The following SLC4A10 variants were observed in gnomAD, a reference collection of about 807,000 sequenced individuals.
SLC4A10 encodes sodium-driven chloride bicarbonate exchanger.
Under a neutral mutation model 137.7 loss-of-function variants are expected in SLC4A10, and 42 were observed. The observed-to-expected ratio is 0.30, with a 90% confidence interval of 0.24 to 0.39. The LOEUF (loss-of-function observed/expected upper bound fraction) is 0.39, where lower values mean the gene tolerates loss of function less well. SLC4A10 is among the 10% of genes least tolerant of loss of function. The pLI, the probability that SLC4A10 is intolerant of heterozygous loss-of-function variation, is 1.00. For missense variants in SLC4A10, 925 were observed against 1,355.0 expected (o/e 0.68, Z 4.98); for synonymous variants, 474 against 464.1 (o/e 1.02, Z -0.27).
intron 1 of SLC4A10, among the ~76,000 whole-genome samples, chr2:161,699,571 G>A (rs935780729): frequency 9.9e-5 from 15 of 152,182 alleles, no homozygotes; most frequent in Non-Finnish European, 1.9e-4. Context: ...GAATATGAAA[G>A]TGAATCATAC....
intron 11 of SLC4A10, among the ~76,000 whole-genome samples, chr2:161,896,029 G>T (rs2063458375): frequency 6.6e-6 from 1 of 151,842 alleles, no homozygotes. Context: ...TTTTCTTCTA[G>T]GGTTTTTATG....
intron 1 of SLC4A10, among the ~76,000 whole-genome samples, chr2:161,644,515 A>T (rs1424404287): frequency 1.3e-5 from 2 of 152,152 alleles, no homozygotes; most frequent in Non-Finnish European, 2.9e-5. Context: ...TAATGAATTA[A>T]AATTGCTTCA....
intron 2 of SLC4A10, among the ~76,000 whole-genome samples, chr2:161,802,544 A>G (rs2055484553): frequency 6.6e-6 from 1 of 152,120 alleles, no homozygotes; most frequent in African/African-American, 2.4e-5. Flanking sequence ...AATTTCAATT[A>G]CATGTCTTCT....
chr2:161,896,982 A>G (rs2063572582), intron 11 of SLC4A10, among the ~76,000 whole-genome samples: 6 of 152,126 alleles, frequency 3.9e-5, no homozygotes, highest in Admixed American at 3.9e-4. Context: ...TGAAATTGGC[A>G]AGCATTAGGA....
intron 3 of SLC4A10, among the ~76,000 whole-genome samples, chr2:161,825,471 C>T (rs1330103113): frequency 6.6e-6 from 1 of 152,198 alleles, no homozygotes; most frequent in Admixed American, 6.5e-5. Context: ...TTCTGCGTTA[C>T]TATTTATTCC....
intron 15 of SLC4A10, among the ~76,000 whole-genome samples, chr2:161,909,303 C>G (rs894050699): frequency 2.0e-5 from 3 of 152,052 alleles, no homozygotes; most frequent in Admixed American, 2.0e-4. Context: ...ATTTCCATCT[C>G]TGTTTTTTAA....
chr2:161,964,045 C>G, intron 21 of SLC4A10, 90 bp from the exon 22 acceptor site: 1 of 1,173,416 alleles, frequency 8.5e-7, no homozygotes, highest in South Asian at 1.7e-5. Context: ...GTCATTTAAC[C>G]CAAAATTGTG....
At position 161,942,915 on chromosome 2, in the gene SLC4A10, A is replaced by G. The variant is rs746349159; in HGVS notation, c.2103+18A>G. On this transcript the variant is annotated intron_variant, in intron 16 of 26. Transcript: ENST00000446997. Reference sequence around the variant, plus strand: ...CTGTGTCAGTAAGTAAAACACTGAAAAATAAGTCATACCTAAGAGCTTTTG... The same window carrying G: ...CTGTGTCAGTAAGTAAAACACTGAAGAATAAGTCATACCTAAGAGCTTTTG... The G allele has an allele frequency of 4.5e-6, 7 of 1,553,722 alleles. No individual in the cohort carries two copies. Among genetic ancestry groups the G allele is most frequent in the Non-Finnish European group, 6.1e-6 (7 of 1,143,020 alleles).
chr2:161,911,267 C>T (rs1685781352), intron 15 of SLC4A10, among the ~76,000 whole-genome samples: 1 of 151,736 alleles, frequency 6.6e-6, no homozygotes, highest in African/African-American at 2.4e-5. Context: ...AAATTTGACA[C>T]ATTATGAAAT....
chr2:161,748,873 A>G (rs1412812775), intron 1 of SLC4A10, among the ~76,000 whole-genome samples: 1 of 152,064 alleles, frequency 6.6e-6, no homozygotes, highest in Non-Finnish European at 1.5e-5. Context: ...TTTGGGTAGT[A>G]TAGGCATTTT....
intron 1 of SLC4A10, among the ~76,000 whole-genome samples, chr2:161,716,079 A>T (rs1169722138): frequency 6.6e-6 from 1 of 152,030 alleles, no homozygotes; most frequent in Non-Finnish European, 1.5e-5. Context: ...TTTCTCTAAT[A>T]ATCAGCAATA....
At chr2:161,898,558 T>C (rs1257972793) in intron 11 of SLC4A10, among the ~76,000 whole-genome samples, 1 of 152,144 alleles carries the variant, frequency 6.6e-6, no homozygotes, top group Non-Finnish European at 1.5e-5. Flanking sequence ...TTTTTATTCA[T>C]TTGAAATGTG....
chr2:161,956,453 T>C (rs1235129209), intron 19 of SLC4A10, among the ~76,000 whole-genome samples: 1 of 152,172 alleles, frequency 6.6e-6, no homozygotes, highest in Non-Finnish European at 1.5e-5. Flanking sequence ...GGCTCTACAC[T>C]TCGATTCCTG....
intron 3 of SLC4A10, among the ~76,000 whole-genome samples, chr2:161,828,486 T>C (rs1042873429): frequency 6.7e-6 from 1 of 150,050 alleles, no homozygotes; most frequent in Admixed American, 6.7e-5. Context: ...TAAAATGTTA[T>C]ATATCTCTAT....
At chr2:161,855,632 A>C (rs62187756) in intron 5 of SLC4A10, among the ~76,000 whole-genome samples, 9,230 of 152,094 alleles carry the variant, frequency 0.061, 370 homozygotes, top group East Asian at 0.13. Flanking sequence ...AATACTATAA[A>C]CTGATGAATG....
intron 1 of SLC4A10, among the ~76,000 whole-genome samples, chr2:161,698,651 T>C (rs912908824): frequency 3.3e-5 from 5 of 152,250 alleles, no homozygotes; most frequent in Non-Finnish European, 5.9e-5. Context: ...CTCCCAGGGA[T>C]GAAGCCCACT....
At chr2:161,884,560 A>G (rs2062072334) in intron 10 of SLC4A10, among the ~76,000 whole-genome samples, 3 of 152,200 alleles carry the variant, frequency 2.0e-5, no homozygotes, top group Admixed American at 2.0e-4. Context: ...TAATTTGAGA[A>G]TAAGCATCAA....
chr2:161,811,225 A>AT (rs2056522322), intron 3 of SLC4A10, among the ~76,000 whole-genome samples: 1 of 151,812 alleles, frequency 6.6e-6, no homozygotes, highest in Non-Finnish European at 1.5e-5. Context: ...GTCATTTGTC[A>AT]TTTTTGATTG....
At chr2:161,723,916 G>A (rs1380305303) in intron 1 of SLC4A10, among the ~76,000 whole-genome samples, 2 of 152,110 alleles carry the variant, frequency 1.3e-5, no homozygotes, top group African/African-American at 4.8e-5. Context: ...ATTGCATCCT[G>A]GTAGACATCT....
Sources: allele counts gnomAD v4.1 joint callset (sites outside exome capture counted in the v4.1 genomes callset), GRCh38; gene constraint gnomAD v4.1.1; transcripts MANE v1.5; gene names NCBI Gene and HGNC (gene_info 2026-07-23, HGNC 2026-07-21).